Variants in ADAMTS12 observed in about 807,000 individuals in gnomAD.
ADAMTS12 encodes the protein A disintegrin and metalloproteinase with thrombospondin motifs 12.
In ADAMTS12, 118 loss-of-function variants were observed where a neutral mutation model predicts 167.8. That is an observed-to-expected ratio of 0.70 (90% CI 0.61 to 0.82). The LOEUF is 0.82. Ranked by LOEUF, ADAMTS12 falls within the 40% of genes least tolerant of loss-of-function variation. The probability of loss-of-function intolerance (pLI) is 0.00; values close to 1 mark genes in which losing one functional copy is unlikely to be tolerated. For missense variants in ADAMTS12, 1,916 were observed against 1,998.8 expected, an observed-to-expected ratio of 0.96 and a Z score of 0.79; for synonymous variants, 704 against 716.9, an observed-to-expected ratio of 0.98 and a Z score of 0.29.
At chr5:33,624,649 A>G in intron 13 of ADAMTS12, among the ~76,000 whole-genome samples, 1 of 152,206 alleles carries the variant, frequency 6.6e-6, no homozygotes, top group East Asian at 1.9e-4. Context: ...AACTATGAAA[A>G]CATCTTGGAG....
At chr5:33,711,915 T>G (rs1230753031) in intron 3 of ADAMTS12, among the ~76,000 whole-genome samples, 1 of 152,184 alleles carries the variant, frequency 6.6e-6, no homozygotes, top group Non-Finnish European at 1.5e-5. Context: ...GCTTGTAATT[T>G]TAAGAATAGT....
rs560956434 is a variant in ADAMTS12 at position 33,668,237 on chromosome 5, C to G, written c.916-6197G>C. 2.6e-5 allele frequency among the ~76,000 whole-genome samples: 4 copies of G among 151,476 alleles called. No homozygotes were observed. In the South Asian group the frequency reaches 8.4e-4, roughly 32 times the overall value. ...TGGAAAAAAATCATCTCATACAAAG[C>G]CTATTTTATAATAAAGTGTTGAATA... On this transcript the variant is annotated intron_variant, in intron 5 of 23. Transcript: ENST00000504830.
intron 3 of ADAMTS12, among the ~76,000 whole-genome samples, chr5:33,707,873 A>T (rs1002170407): frequency 1.3e-5 from 2 of 152,238 alleles, no homozygotes; most frequent in African/African-American, 4.8e-5. Flanking sequence ...AGGCAATACC[A>T]TTCAGAACAT....
intron 2 of ADAMTS12, among the ~76,000 whole-genome samples, chr5:33,791,005 A>G (rs1236144411): frequency 6.6e-6 from 1 of 151,974 alleles, no homozygotes; most frequent in African/African-American, 2.4e-5. Flanking sequence ...TCCCTCCACT[A>G]CAGAGCATGC....
chr5:33,640,323 T>G (rs1480070709), intron 11 of ADAMTS12, among the ~76,000 whole-genome samples: 1 of 152,224 alleles, frequency 6.6e-6, no homozygotes, highest in African/African-American at 2.4e-5. Flanking sequence ...ACCTTTCTCC[T>G]GAAGCCAGGT....
intron 19 of ADAMTS12, among the ~76,000 whole-genome samples, chr5:33,571,133 A>C (rs1375527965): frequency 3.3e-5 from 5 of 152,328 alleles, no homozygotes; most frequent in Non-Finnish European, 2.9e-5. Flanking sequence ...TTAGACTCCC[A>C]CACAATAATA....
chr5:33,644,213 C>T (rs1289634451), intron 9 of ADAMTS12, among the ~76,000 whole-genome samples: 2 of 152,072 alleles, frequency 1.3e-5, no homozygotes, highest in Admixed American at 1.3e-4. Flanking sequence ...CTAAATTTTG[C>T]CTCTCCTTTC....
In ADAMTS12 at chr5:33,647,644, T is replaced by A. The variant is rs140225569; in HGVS notation, c.1479+1178A>T. On this transcript the variant is annotated intron_variant, in intron 9 of 23. Coordinates refer to ENST00000504830, the MANE Select transcript of ADAMTS12 (RefSeq NM_030955.4). ...TACTTGGGAGGCTGAGGTACGAGAATTGCTTGAACTGGGGAGGCAGAGGTT... is the reference window on the plus strand; with the variant it reads ...TACTTGGGAGGCTGAGGTACGAGAAATGCTTGAACTGGGGAGGCAGAGGTT... Among the ~76,000 whole-genome samples the A allele has an allele frequency of 1.5e-3, 225 of 152,258 alleles. 2 individuals carry two copies. The highest frequency in any genetic ancestry group is 5.3e-3 in the African/African-American group (221 of 41,554).
At chr5:33,658,460 G>T in intron 6 of ADAMTS12, 127 bp from the exon 7 acceptor site, 2 of 1,117,558 alleles carry the variant, frequency 1.8e-6, no homozygotes, top group South Asian at 3.8e-5. Context: ...TTTTTAAAAA[G>T]TCTACATGAA....
At chr5:33,617,549 T>G (rs765629758) in intron 14 of ADAMTS12, among the ~76,000 whole-genome samples, 7 of 152,238 alleles carry the variant, frequency 4.6e-5, no homozygotes, top group Non-Finnish European at 7.3e-5. Flanking sequence ...TCTCAAACAC[T>G]TGCCTAGAAC....
chr5:33,870,741 C>G (rs1750008075), intron 2 of ADAMTS12, among the ~76,000 whole-genome samples: 1 of 152,090 alleles, frequency 6.6e-6, no homozygotes, highest in Non-Finnish European at 1.5e-5. Context: ...GACAGATTTC[C>G]CCCTTGCTGT....
intron 2 of ADAMTS12, among the ~76,000 whole-genome samples, chr5:33,830,062 C>G (rs1311036710): frequency 6.6e-6 from 1 of 152,120 alleles, no homozygotes; most frequent in African/African-American, 2.4e-5. Flanking sequence ...TGATATAAAT[C>G]AAAGCTAGGA....
chr5:33,686,996 A>G (rs935781854), intron 3 of ADAMTS12, among the ~76,000 whole-genome samples: 2 of 151,312 alleles, frequency 1.3e-5, no homozygotes, highest in Non-Finnish European at 2.9e-5. Flanking sequence ...TTGGACTTCA[A>G]GTCTCTAGAA....
intron 12 of ADAMTS12, among the ~76,000 whole-genome samples, chr5:33,636,699 A>G (rs749745335): frequency 2.5e-4 from 38 of 152,186 alleles, no homozygotes; most frequent in Non-Finnish European, 4.3e-4. Flanking sequence ...AATCATGAAA[A>G]ATTTGATTAG....
At chr5:33,670,931 G>C (rs1350806508) in intron 5 of ADAMTS12, among the ~76,000 whole-genome samples, 2 of 152,086 alleles carry the variant, frequency 1.3e-5, no homozygotes, top group Non-Finnish European at 2.9e-5. Context: ...TCCTTCAGTG[G>C]GTGAATAGTT....
chr5:33,870,807 C>T (rs1010138336), intron 2 of ADAMTS12, among the ~76,000 whole-genome samples: 1 of 152,090 alleles, frequency 6.6e-6, no homozygotes, highest in East Asian at 1.9e-4. Context: ...GTGTGTAGTG[C>T]CTACCCCTTC....
chr5:33,835,570 C>A (rs1316290145), intron 2 of ADAMTS12, among the ~76,000 whole-genome samples: 1 of 152,192 alleles, frequency 6.6e-6, no homozygotes, highest in African/African-American at 2.4e-5. Flanking sequence ...GTGGTACATT[C>A]TTGCTGTGTC....
intron 7 of ADAMTS12, among the ~76,000 whole-genome samples, chr5:33,650,768 G>A (rs775217161): frequency 7.9e-5 from 12 of 152,162 alleles, no homozygotes; most frequent in Non-Finnish European, 1.3e-4. Context: ...ACCCAAAGAC[G>A]TTTTCTGAGA....
At chr5:33,802,318 G>C (rs1020172604) in intron 2 of ADAMTS12, among the ~76,000 whole-genome samples, 1 of 152,224 alleles carries the variant, frequency 6.6e-6, no homozygotes, top group Non-Finnish European at 1.5e-5. Context: ...TTGTTACTGT[G>C]TTGAACTCCA....
Sources: gnomAD v4.1 joint callset for allele counts (sites outside exome capture counted in the v4.1 genomes callset) on GRCh38, gnomAD v4.1.1 for gene constraint, MANE v1.5 for transcripts, NCBI Gene and HGNC (gene_info 2026-07-23, HGNC 2026-07-21) for gene names.